Variants in KDM4C observed in about 807,000 individuals in gnomAD.
The protein encoded by KDM4C is lysine demethylase 4C, also known as lysine-specific demethylase 4C.
A neutral mutation model predicts 129.3 loss-of-function variants in KDM4C; 81 were observed. The observed-to-expected ratio is 0.63, with a 90% CI of 0.52 to 0.75. The LOEUF (loss-of-function observed/expected upper bound fraction) is 0.75, where lower values mean the gene tolerates loss of function less well. Among genes scored for constraint, KDM4C ranks in the 30% least tolerant of loss-of-function variants. The pLI, the probability that KDM4C is intolerant of heterozygous loss-of-function variation, is 0.00. For missense variants in KDM4C, 1,457 were observed against 1,304.0 expected (o/e 1.12, Z -1.81); for synonymous variants, 573 against 456.1 (o/e 1.26, Z -3.26).
At chr9:7,148,045 C>A (rs1842377739) in intron 19 of KDM4C, among the ~76,000 whole-genome samples, 1 of 152,240 alleles carries the variant, frequency 6.6e-6, no homozygotes, top group African/African-American at 2.4e-5. Flanking sequence ...GGCCACTGCA[C>A]ACAGCAAGGC....
chr9:6,820,357 A>G (rs1245451500), intron 4 of KDM4C, among the ~76,000 whole-genome samples: 2 of 152,298 alleles, frequency 1.3e-5, no homozygotes, highest in Middle Eastern at 3.4e-3. Flanking sequence ...TTTTGCTGAA[A>G]TTGCAGGTTG....
chr9:6,783,494 A>T (rs1824814149), intron 1 of KDM4C, among the ~76,000 whole-genome samples: 1 of 152,144 alleles, frequency 6.6e-6, no homozygotes, highest in African/African-American at 2.4e-5. Flanking sequence ...TCCGAGGTGT[A>T]TTGGGAAGGA....
chr9:7,003,168 C>A (rs898952678), intron 12 of KDM4C, among the ~76,000 whole-genome samples: 4 of 152,162 alleles, frequency 2.6e-5, no homozygotes, highest in African/African-American at 9.7e-5. Flanking sequence ...GTCCAGCCTA[C>A]TCTTTCAACA....
intron 17 of KDM4C, among the ~76,000 whole-genome samples, chr9:7,072,934 G>A (rs969207212): frequency 6.6e-6 from 1 of 152,094 alleles, no homozygotes; most frequent in Non-Finnish European, 1.5e-5. Flanking sequence ...GATTGACTGT[G>A]GAAATGACTG....
intron 1 of KDM4C, among the ~76,000 whole-genome samples, chr9:6,779,995 C>G (rs774905867): frequency 5.5e-4 from 83 of 152,158 alleles, no homozygotes; most frequent in South Asian, 1.0e-3. Flanking sequence ...AGCCAGCCAC[C>G]TACAGCTACT....
chr9:7,078,629 C>G (rs1834188406), intron 17 of KDM4C, among the ~76,000 whole-genome samples: 1 of 152,118 alleles, frequency 6.6e-6, no homozygotes, highest in Non-Finnish European at 1.5e-5. Flanking sequence ...CCATTATTGT[C>G]TTGCATTTTA....
intron 8 of KDM4C, among the ~76,000 whole-genome samples, chr9:6,919,186 G>A (rs951429037): frequency 2.0e-5 from 3 of 149,238 alleles, no homozygotes; most frequent in Admixed American, 6.7e-5. Flanking sequence ...TTTGCTTGTT[G>A]TTTTAAGTTT....
intron 1 of KDM4C, among the ~76,000 whole-genome samples, chr9:6,745,049 C>T (rs529966488): frequency 6.6e-6 from 1 of 152,262 alleles, no homozygotes; most frequent in South Asian, 2.1e-4. Context: ...TAGGTCTCCC[C>T]AGACCTTGGG....
At chr9:6,891,053 A>G (rs1384660590) in intron 7 of KDM4C, among the ~76,000 whole-genome samples, 3 of 152,192 alleles carry the variant, frequency 2.0e-5, no homozygotes. Context: ...CCCATCTCCA[A>G]TACCATTTTA....
intron 8 of KDM4C, among the ~76,000 whole-genome samples, chr9:6,964,479 C>G (rs1221318257): frequency 6.6e-6 from 1 of 152,084 alleles, no homozygotes; most frequent in East Asian, 1.9e-4. Context: ...TTTTCTTAAT[C>G]CAGTCTATCA....
At chr9:6,757,031 T>C (rs4742260), upstream of KDM4C, among the ~76,000 whole-genome samples, 61,853 of 151,966 alleles carry the variant, frequency 0.41, 13,495 homozygotes, top group African/African-American at 0.57. Context: ...GGGAGCTCTG[T>C]AGGAAGTTTA....
chr9:6,850,591 C>T (rs1385890890), intron 5 of KDM4C, among the ~76,000 whole-genome samples: 2 of 150,790 alleles, frequency 1.3e-5, no homozygotes, highest in African/African-American at 2.4e-5. Flanking sequence ...GATTAGAGGC[C>T]CAGCTAATTT....
chr9:6,835,431 C>G (rs543390113), intron 4 of KDM4C: 10 of 1,175,372 alleles, frequency 8.5e-6, no homozygotes, highest in African/African-American at 1.5e-5. Context: ...CGATGAAGAT[C>G]AAGATCATTG....
chr9:6,926,177 G>A (rs1433465311), intron 8 of KDM4C, among the ~76,000 whole-genome samples: 1 of 151,890 alleles, frequency 6.6e-6, no homozygotes, highest in Non-Finnish European at 1.5e-5. Flanking sequence ...GCGTCAAGGG[G>A]CTGTTAGGCA....
At chr9:6,876,476 G>C (rs1050778216) in intron 5 of KDM4C, among the ~76,000 whole-genome samples, 1 of 152,200 alleles carries the variant, frequency 6.6e-6, no homozygotes, top group Non-Finnish European at 1.5e-5. Context: ...GTGCTTTCCA[G>C]TTCTTGTTTA....
chr9:6,882,011 A>G (rs946925), intron 6 of KDM4C, among the ~76,000 whole-genome samples: 94,536 of 152,054 alleles, frequency 0.62, 29,852 homozygotes, highest in East Asian at 0.88. Flanking sequence ...CCTTTTATGC[A>G]TGAATGCTTT....
chr9:7,008,891 G>T (rs1822175977), intron 12 of KDM4C, among the ~76,000 whole-genome samples: 1 of 152,144 alleles, frequency 6.6e-6, no homozygotes, highest in South Asian at 2.1e-4. Flanking sequence ...ACTGGTGAAG[G>T]GTTGTCCAAG....
intron 10 of KDM4C, among the ~76,000 whole-genome samples, chr9:6,985,265 G>T (rs1461274452): frequency 1.3e-5 from 2 of 152,138 alleles, no homozygotes; most frequent in African/African-American, 4.8e-5. Flanking sequence ...CTTCTTCTTA[G>T]TATTATTCCA....
intron 1 of KDM4C, among the ~76,000 whole-genome samples, chr9:6,778,168 C>T (rs1487039425): frequency 6.6e-6 from 1 of 151,302 alleles, no homozygotes; most frequent in Non-Finnish European, 1.5e-5. Context: ...CGTCTTACTG[C>T]AACCTCTGCC....
Sources: gnomAD v4.1 joint callset for allele counts (sites outside exome capture counted in the v4.1 genomes callset) on GRCh38, gnomAD v4.1.1 for gene constraint, MANE v1.5 for transcripts, NCBI Gene and HGNC (gene_info 2026-07-23, HGNC 2026-07-21) for gene names.